ALS2: variants seen among roughly 807,000 people sequenced by gnomAD.
ALS2 encodes the protein alsin.
A neutral mutation model predicts 203.4 loss-of-function variants in ALS2; 117 were observed. That is an observed-to-expected ratio of 0.58 (90% CI 0.50 to 0.67). The LOEUF is 0.67. Ranked by LOEUF, ALS2 falls within the 30% of genes least tolerant of loss-of-function variation. ALS2 has a pLI of 0.00. For missense variants in ALS2, 1,715 were observed against 1,989.4 expected (o/e 0.86, Z 2.62); for synonymous variants, 718 against 725.9 (o/e 0.99, Z 0.17).
At chr2:201,726,357 G>T in intron 19 of ALS2, 127 bp downstream of exon 19, 1 of 862,944 alleles carries the variant, frequency 1.2e-6, no homozygotes, top group Non-Finnish European at 1.9e-6. Flanking sequence ...GCTCATACAT[G>T]TGCATTTCTA....
intron 1 of ALS2, among the ~76,000 whole-genome samples, chr2:201,773,955 C>G (rs998054146): frequency 1.3e-5 from 2 of 152,166 alleles, no homozygotes; most frequent in Non-Finnish European, 2.9e-5. Context: ...CAGGTAACGG[C>G]TGAGCATGGC....
intron 28 of ALS2, 148 bp downstream of exon 28, chr2:201,707,721 G>A: frequency 9.9e-7 from 1 of 1,013,268 alleles, no homozygotes; most frequent in Non-Finnish European, 1.5e-6. Flanking sequence ...GAGCCACTGT[G>A]GCTGGCCCCA....
Position 201,761,720 on chromosome 2 carries a change from A to G in ALS2, c.274T>C (p.Tyr92His), listed in dbSNP as rs769916711. ...PILENALVGQ[Y>H]VITVATGSFH... ...CTTCCTGTTGCCACAGTAATAACAT[A>G]TTGCCCAACCAGGGCATTTTCTAGA... Residue 92 changes from tyrosine (Y) to histidine (H), a missense_variant, in exon 4 of 34, where the codon TAT becomes CAT. Physicochemically the swap from Tyr to His is moderately conservative, Grantham distance 83. Transcript: ENST00000264276. The G allele has an allele frequency of 1.2e-6, 2 of 1,613,996 alleles. No individual in the cohort carries two copies. Among genetic ancestry groups the G allele is most frequent in the African/African-American group, 2.7e-5 (2 of 74,912 alleles).
At chr2:201,766,560 A>G (rs1326805020) in intron 3 of ALS2, among the ~76,000 whole-genome samples, 2 of 151,578 alleles carry the variant, frequency 1.3e-5, no homozygotes, top group Non-Finnish European at 2.9e-5. Flanking sequence ...GAGGCAGGAA[A>G]ATTGCTTGAA....
intron 2 of ALS2, 48 bp from the exon 3 acceptor site, chr2:201,767,431 G>C (rs1694147694): frequency 6.3e-7 from 1 of 1,588,688 alleles, no homozygotes; most frequent in Non-Finnish European, 8.6e-7. Context: ...ATTCAGAACA[G>C]TATCCTTTGT....
chr2:201,706,746 G>T, intron 29 of ALS2, 100 bp downstream of exon 29: 1 of 1,203,278 alleles, frequency 8.3e-7, no homozygotes, highest in Non-Finnish European at 1.2e-6. Flanking sequence ...ATAATTACAA[G>T]CCATATATAT....
chr2:201,706,138 C>G (rs1212883510), intron 29 of ALS2, among the ~76,000 whole-genome samples: 1 of 152,030 alleles, frequency 6.6e-6, no homozygotes, highest in South Asian at 2.1e-4. Flanking sequence ...GTAATCCCAG[C>G]ACGTTGGGAG....
intron 1 of ALS2, among the ~76,000 whole-genome samples, chr2:201,778,225 T>C (rs1033536908): frequency 6.6e-6 from 1 of 152,026 alleles, no homozygotes; most frequent in Non-Finnish European, 1.5e-5. Context: ...AATGTGATAA[T>C]TAAGGGAAAC....
intron 30 of ALS2, 102 bp from the exon 31 acceptor site, chr2:201,705,302 G>T: frequency 6.9e-7 from 1 of 1,451,820 alleles, no homozygotes; most frequent in Non-Finnish European, 9.7e-7. Context: ...AATAACAGAT[G>T]CAAACACAAG....
At chr2:201,777,759 C>T (rs954804618) in intron 1 of ALS2, among the ~76,000 whole-genome samples, 16 of 152,104 alleles carry the variant, frequency 1.1e-4, no homozygotes, top group Non-Finnish European at 8.8e-5. Flanking sequence ...ATAAATAATG[C>T]ATGCTATTAT....
chr2:201,740,361 T>C (rs567808261), intron 11 of ALS2, among the ~76,000 whole-genome samples: 1 of 152,236 alleles, frequency 6.6e-6, no homozygotes, highest in East Asian at 1.9e-4. Flanking sequence ...CCAAATATTT[T>C]ACTTGCCCCA....
At position 201,706,069 on chromosome 2, in the gene ALS2, T is replaced by G. The variant is rs374601437; in HGVS notation, c.4581-608A>C. ...ACATAATAATTTAGTATTCCCTGGA[T>G]AGCAAGCAATAATACCTTCTAATAA... On this transcript the variant is annotated intron_variant, in intron 29 of 33. Coordinates refer to ENST00000264276, the MANE Select transcript of ALS2 (RefSeq NM_020919.4). 1.1e-4 allele frequency among the ~76,000 whole-genome samples: 17 copies of G among 152,154 alleles called. No homozygotes were observed. The East Asian group carries it at 2.1e-3, about 19-fold the overall frequency.
At chr2:201,716,177 G>A (rs1255328930) in intron 24 of ALS2, among the ~76,000 whole-genome samples, 2 of 152,104 alleles carry the variant, frequency 1.3e-5, no homozygotes. Context: ...GGAGGCCAAG[G>A]CAGGTGGAAC....
At chr2:201,732,119 T>C (rs1057190999) in intron 13 of ALS2, among the ~76,000 whole-genome samples, 2 of 152,206 alleles carry the variant, frequency 1.3e-5, no homozygotes, top group African/African-American at 4.8e-5. Context: ...TAGATCAGTT[T>C]AAAGACCTTG....
chr2:201,748,223 T>C (rs1692797649), intron 8 of ALS2, among the ~76,000 whole-genome samples: 1 of 152,190 alleles, frequency 6.6e-6, no homozygotes, highest in South Asian at 2.1e-4. Flanking sequence ...TGTGTGTGTG[T>C]CTACTACTAA....
intron 8 of ALS2, 41 bp from the exon 9 acceptor site, chr2:201,746,789 A>G (rs1692692039): frequency 3.1e-6 from 5 of 1,609,816 alleles, no homozygotes; most frequent in Non-Finnish European, 4.2e-6. Flanking sequence ...AGATAAAGGC[A>G]ATCAGAGAGA....
At chr2:201,769,690 T>C (rs537634747) in intron 1 of ALS2, among the ~76,000 whole-genome samples, 2 of 152,234 alleles carry the variant, frequency 1.3e-5, no homozygotes, top group South Asian at 4.1e-4. Context: ...GCTGAGTGCA[T>C]TTCAACTCAG....
intron 23 of ALS2, chr2:201,720,087 G>A (rs1450041106): frequency 5.0e-6 from 2 of 403,232 alleles, no homozygotes; most frequent in South Asian, 3.5e-5. Flanking sequence ...AATAGGGGAG[G>A]AGGGAACACT....
intron 12 of ALS2, among the ~76,000 whole-genome samples, chr2:201,735,813 A>G (rs1256924985): frequency 1.3e-5 from 2 of 152,256 alleles, no homozygotes; most frequent in Non-Finnish European, 2.9e-5. Context: ...TAACTGCTGT[A>G]GCCCTTCAGG....
Sources: gnomAD v4.1 joint callset for allele counts (sites outside exome capture counted in the v4.1 genomes callset) on GRCh38, gnomAD v4.1.1 for gene constraint, MANE v1.5 for transcripts, NCBI Gene and HGNC (gene_info 2026-07-23, HGNC 2026-07-21) for gene names.